The following DLGAP2 variants were observed in gnomAD, a reference collection of about 807,000 sequenced individuals.
The protein encoded by DLGAP2 is disks large-associated protein 2.
A neutral mutation model predicts 100.3 loss-of-function variants in DLGAP2; 26 were observed. The ratio of observed to expected loss-of-function variants is 0.26; its 90% CI spans 0.19 to 0.36. The LOEUF (loss-of-function observed/expected upper bound fraction) is 0.36, where lower values mean the gene tolerates loss of function less well. Ranked by LOEUF, DLGAP2 falls within the 10% of genes least tolerant of loss-of-function variation. The pLI is 1.00. For synonymous variants in DLGAP2, 886 were observed against 630.1 expected (o/e 1.41, Z -6.08); for missense variants, 1,858 against 1,453.2 (o/e 1.28, Z -4.53).
At chr8:1,505,220 G>A (rs1302993511) in intron 4 of DLGAP2, among the ~76,000 whole-genome samples, 2 of 152,038 alleles carry the variant, frequency 1.3e-5, no homozygotes, top group Non-Finnish European at 1.5e-5. Context: ...AATTCTACTG[G>A]GTCAAATTAA....
At chr8:1,135,104 C>T (rs1222583811) in intron 2 of DLGAP2, among the ~76,000 whole-genome samples, 1 of 152,206 alleles carries the variant, frequency 6.6e-6, no homozygotes, top group Non-Finnish European at 1.5e-5. Flanking sequence ...AGGACTCTAA[C>T]ACCTTAACCT....
chr8:1,673,028 G>A (rs979402255), intron 10 of DLGAP2, among the ~76,000 whole-genome samples: 4 of 152,198 alleles, frequency 2.6e-5, no homozygotes, highest in Non-Finnish European at 4.4e-5. Context: ...TGGCTTTGAC[G>A]CCGCTGCTAG....
chr8:1,154,874 C>A (rs978850273), intron 2 of DLGAP2, among the ~76,000 whole-genome samples: 3 of 152,214 alleles, frequency 2.0e-5, no homozygotes, highest in Non-Finnish European at 2.9e-5. Context: ...CTTCCACCCT[C>A]CAGTGTCTGC....
chr8:1,140,008 A>G (rs1796493894), intron 2 of DLGAP2, among the ~76,000 whole-genome samples: 1 of 152,194 alleles, frequency 6.6e-6, no homozygotes, highest in Non-Finnish European at 1.5e-5. Flanking sequence ...CTGTGCAGGA[A>G]CATGGCACAT....
chr8:1,522,232 T>A (rs1287329341), intron 4 of DLGAP2, among the ~76,000 whole-genome samples: 1 of 152,234 alleles, frequency 6.6e-6, no homozygotes, highest in Non-Finnish European at 1.5e-5. Context: ...CCAGTTGGGT[T>A]TGATGCACCA....
At chr8:1,593,641 C>T (rs77403501) in intron 6 of DLGAP2, among the ~76,000 whole-genome samples, 2 of 152,070 alleles carry the variant, frequency 1.3e-5, no homozygotes, top group Non-Finnish European at 2.9e-5. Context: ...TACCTTCTCC[C>T]AGGGGAGGGA....
At chr8:1,527,949 T>C (rs1800849494) in intron 4 of DLGAP2, among the ~76,000 whole-genome samples, 2 of 152,226 alleles carry the variant, frequency 1.3e-5, no homozygotes, top group African/African-American at 4.8e-5. Flanking sequence ...TTCAACTGAT[T>C]GTATTACATA....
At chr8:1,273,162 T>C (rs1273813374) in intron 3 of DLGAP2, among the ~76,000 whole-genome samples, 1 of 152,174 alleles carries the variant, frequency 6.6e-6, no homozygotes, top group African/African-American at 2.4e-5. Context: ...CTGGAAGGTG[T>C]TTGTCTGAGT....
Position 856,440 on chromosome 8 carries a change from G to A in DLGAP2, c.19-51472G>A, listed in dbSNP as rs560989830. On this transcript the variant is annotated intron_variant, in intron 1 of 14. Transcript: ENST00000637795. ...TGACCTGAGGTGATCTGCCCACCTC[G>A]GCCTCCCATAGTGCTGGGATTACAG... is the stretch of plus-strand genomic sequence containing the variant. 1.6e-4 allele frequency among the ~76,000 whole-genome samples: 25 copies of A among 152,092 alleles called. 1 individual carries two copies. The South Asian group carries it at 4.8e-3, about 29-fold the overall frequency.
chr8:1,410,196 C>T (rs1796688087), intron 3 of DLGAP2, among the ~76,000 whole-genome samples: 1 of 152,124 alleles, frequency 6.6e-6, no homozygotes, highest in Non-Finnish European at 1.5e-5. Context: ...CGATCAGGGC[C>T]CAGATCATCT....
At chr8:1,345,763 C>G (rs543501379) in intron 3 of DLGAP2, among the ~76,000 whole-genome samples, 1 of 152,306 alleles carries the variant, frequency 6.6e-6, no homozygotes, top group African/African-American at 2.4e-5. Flanking sequence ...TTGAAACTTT[C>G]TAGGCTTTTT....
chr8:1,367,967 T>C (rs2142138), intron 3 of DLGAP2, among the ~76,000 whole-genome samples: 104,768 of 152,116 alleles, frequency 0.69, 37,067 homozygotes, highest in East Asian at 0.93. Flanking sequence ...AGCACAGGCT[T>C]TGCCGTCAGG....
chr8:1,166,481 T>C (rs1412964057), intron 2 of DLGAP2, among the ~76,000 whole-genome samples: 1 of 152,258 alleles, frequency 6.6e-6, no homozygotes, highest in Non-Finnish European at 1.5e-5. Context: ...TAGAATATTC[T>C]GTTTGATTTT....
intron 3 of DLGAP2, among the ~76,000 whole-genome samples, chr8:1,351,766 A>T (rs1801732733): frequency 1.3e-5 from 1 of 76,538 alleles, no homozygotes; most frequent in Non-Finnish European, 2.7e-5. Context: ...TATGTGTGGA[A>T]AGGCCGTGCG....
At chr8:1,293,080 G>A (rs753388405) in intron 3 of DLGAP2, among the ~76,000 whole-genome samples, 1 of 152,130 alleles carries the variant, frequency 6.6e-6, no homozygotes, top group East Asian at 1.9e-4. Context: ...ACCCACAAGT[G>A]GGGGAGAAAG....
intron 2 of DLGAP2, among the ~76,000 whole-genome samples, chr8:981,836 T>G (rs892336775): frequency 6.6e-6 from 1 of 152,240 alleles, no homozygotes; most frequent in African/African-American, 2.4e-5. Flanking sequence ...GATGTTTTGT[T>G]TGAAACTATT....
At chr8:864,302 A>G (rs1797449599) in intron 1 of DLGAP2, among the ~76,000 whole-genome samples, 1 of 152,152 alleles carries the variant, frequency 6.6e-6, no homozygotes, top group Non-Finnish European at 1.5e-5. Flanking sequence ...AGAATATCGT[A>G]CGGTATGTCC....
chr8:1,518,988 G>A (rs770173464), intron 4 of DLGAP2, among the ~76,000 whole-genome samples: 8 of 152,140 alleles, frequency 5.3e-5, no homozygotes, highest in African/African-American at 1.2e-4. Flanking sequence ...CCTCCCGACC[G>A]TGTGTCCTCC....
chr8:1,386,070 T>C (rs562523753), intron 3 of DLGAP2, among the ~76,000 whole-genome samples: 3 of 152,232 alleles, frequency 2.0e-5, no homozygotes, highest in African/African-American at 7.2e-5. Flanking sequence ...ATTTTGAAAA[T>C]AAAATTGAAA....
Sources: gnomAD v4.1 joint callset for allele counts (sites outside exome capture counted in the v4.1 genomes callset) on GRCh38, gnomAD v4.1.1 for gene constraint, MANE v1.5 for transcripts, NCBI Gene and HGNC (gene_info 2026-07-23, HGNC 2026-07-21) for gene names.